Variants in SLC39A11 observed in about 807,000 individuals in gnomAD.
The protein encoded by SLC39A11 is zinc transporter ZIP11.
SLC39A11 carries 33 observed loss-of-function variants against 36.1 expected under a neutral mutation model. The ratio of observed to expected loss-of-function variants is 0.91; its 90% CI spans 0.69 to 1.22. The LOEUF (loss-of-function observed/expected upper bound fraction) is 1.22. SLC39A11 is among the 50% of genes most tolerant of loss of function. The pLI is 0.00. For synonymous variants in SLC39A11, 166 were observed against 170.3 expected (o/e 0.97, Z 0.20); for missense variants, 432 against 430.3 (o/e 1.00, Z -0.03).
intron 4 of SLC39A11, among the ~76,000 whole-genome samples, chr17:72,984,038 G>T (rs1460834293): frequency 6.6e-6 from 1 of 152,172 alleles, no homozygotes; most frequent in Non-Finnish European, 1.5e-5. Flanking sequence ...AGGCAGAGAG[G>T]ACCTGGGTAG....
chr17:72,926,970 T>G (rs980988670), intron 5 of SLC39A11, among the ~76,000 whole-genome samples: 3 of 152,136 alleles, frequency 2.0e-5, no homozygotes, highest in Non-Finnish European at 2.9e-5. Context: ...CTACCCTGAT[T>G]TGAACAGCAC....
intron 5 of SLC39A11, among the ~76,000 whole-genome samples, chr17:72,860,647 C>T (rs989718138): frequency 1.3e-5 from 2 of 152,134 alleles, no homozygotes; most frequent in Non-Finnish European, 2.9e-5. Flanking sequence ...GCTTGGTGCA[C>T]GTTCCTCTTT....
At chr17:72,797,648 G>A (rs534631588) in intron 6 of SLC39A11, among the ~76,000 whole-genome samples, 61 of 152,222 alleles carry the variant, frequency 4.0e-4, no homozygotes, top group Non-Finnish European at 7.1e-4. Flanking sequence ...GCACTACCTC[G>A]TCTAATACCC....
intron 6 of SLC39A11, among the ~76,000 whole-genome samples, chr17:72,804,145 G>A (rs1344390560): frequency 3.3e-5 from 5 of 152,088 alleles, no homozygotes; most frequent in African/African-American, 9.7e-5. Context: ...ACAGGCGCCC[G>A]CCACCACGTC....
chr17:72,867,293 A>T (rs779133517), intron 5 of SLC39A11, among the ~76,000 whole-genome samples: 5 of 152,154 alleles, frequency 3.3e-5, no homozygotes, highest in African/African-American at 4.8e-5. Flanking sequence ...TGGGGTCAGG[A>T]GTTCGAGGCC....
At position 72,646,464 on chromosome 17, in the gene SLC39A11, T is replaced by G. The variant is rs1167505522; in HGVS notation, c.*1120A>C. Reference sequence around the variant, plus strand: ...GTTCGACTCATTCTTTATAGGGACATTTCAGAATGATGAGTTGGCTAAAAT... The same window carrying G: ...GTTCGACTCATTCTTTATAGGGACAGTTCAGAATGATGAGTTGGCTAAAAT... On this transcript the variant is annotated 3_prime_UTR_variant, in exon 10 of 10. Transcript: ENST00000255559. 1 of 152,228 alleles carries G rather than the reference T, an allele frequency of 6.6e-6. No individual in the cohort carries two copies. The highest frequency in any genetic ancestry group is 1.5e-5 in the Non-Finnish European group (1 of 68,044). The allele number at this position is 152,228 out of a possible 1,614,324, so 9.4% of individuals were successfully genotyped here. A position where few individuals can be genotyped will look rare whatever the true frequency, so the allele number is the denominator to read the frequency against.
At chr17:72,750,557 G>C (rs2075117317) in intron 6 of SLC39A11, among the ~76,000 whole-genome samples, 1 of 151,614 alleles carries the variant, frequency 6.6e-6, no homozygotes, top group African/African-American at 2.4e-5. Flanking sequence ...ATTAGACTCT[G>C]GCAGTTCCTT....
At chr17:73,068,542 C>T (rs2060067462) in intron 3 of SLC39A11, among the ~76,000 whole-genome samples, 1 of 152,164 alleles carries the variant, frequency 6.6e-6, no homozygotes, top group Non-Finnish European at 1.5e-5. Flanking sequence ...CCCCTGGCCT[C>T]CTCATTTCCG....
rs1414379679 is a variant in SLC39A11, at chr17:72,872,853, G to A, written c.431-23049C>T. On this transcript the variant is annotated intron_variant, in intron 5 of 9. Coordinates refer to ENST00000255559, the MANE Select transcript of SLC39A11 (RefSeq NM_139177.4). ...AGGTGGATCACAAGGTCAGGAGATC[G>A]AGACCACCCTGGCTAACATGGCGAA... 3.3e-5 allele frequency among the ~76,000 whole-genome samples: 5 copies of A among 152,078 alleles called. No homozygotes were observed. In the East Asian group the frequency reaches 9.7e-4, roughly 30 times the overall value.
intron 6 of SLC39A11, among the ~76,000 whole-genome samples, chr17:72,801,156 G>A (rs1354571247): frequency 1.3e-5 from 2 of 152,216 alleles, no homozygotes; most frequent in Non-Finnish European, 2.9e-5. Flanking sequence ...GCTTGAGAGG[G>A]AATGGGGTTG....
At chr17:72,652,640 A>G (rs905480769) in intron 7 of SLC39A11, among the ~76,000 whole-genome samples, 1 of 152,172 alleles carries the variant, frequency 6.6e-6, no homozygotes, top group Admixed American at 6.5e-5. Context: ...TCCTCTTTCC[A>G]AGAGAGACTA....
intron 7 of SLC39A11, among the ~76,000 whole-genome samples, chr17:72,658,450 C>T (rs1005986732): frequency 6.6e-5 from 10 of 152,294 alleles, no homozygotes; most frequent in Admixed American, 1.3e-4. Context: ...AAGGCATCCC[C>T]GGTGGGCAGT....
At chr17:72,743,258 G>A (rs530541937) in intron 6 of SLC39A11, among the ~76,000 whole-genome samples, 3 of 152,160 alleles carry the variant, frequency 2.0e-5, no homozygotes, top group South Asian at 2.1e-4. Context: ...AGTGTCCTCT[G>A]CTGCCCAGTT....
chr17:72,770,356 G>A (rs2075890383), intron 6 of SLC39A11, among the ~76,000 whole-genome samples: 1 of 152,230 alleles, frequency 6.6e-6, no homozygotes, highest in Non-Finnish European at 1.5e-5. Context: ...TAGAGTTTCA[G>A]TTTGGGAAGA....
At chr17:72,687,005 A>C (rs2071783423) in intron 7 of SLC39A11, among the ~76,000 whole-genome samples, 1 of 152,136 alleles carries the variant, frequency 6.6e-6, no homozygotes, top group Admixed American at 6.5e-5. Flanking sequence ...TCTTCAAATA[A>C]AGTCCTTTTT....
chr17:72,907,578 G>A (rs2082724330), intron 5 of SLC39A11, among the ~76,000 whole-genome samples: 1 of 152,178 alleles, frequency 6.6e-6, no homozygotes, highest in Admixed American at 6.5e-5. Context: ...CAGAACTTAA[G>A]TGGGAACCTG....
chr17:72,803,144 C>A (rs1451333024), intron 6 of SLC39A11, among the ~76,000 whole-genome samples: 1 of 152,260 alleles, frequency 6.6e-6, no homozygotes. Context: ...CTGCTTTAAA[C>A]CCCATGGATG....
chr17:72,691,388 T>C (rs1194481621), intron 7 of SLC39A11, among the ~76,000 whole-genome samples: 1 of 151,836 alleles, frequency 6.6e-6, no homozygotes, highest in Non-Finnish European at 1.5e-5. Context: ...ATCTATTTCA[T>C]GTATATAAAA....
chr17:72,932,421 C>A (rs985006833), intron 5 of SLC39A11, among the ~76,000 whole-genome samples: 13 of 151,996 alleles, frequency 8.6e-5, no homozygotes. Flanking sequence ...TTAGGTATTT[C>A]TCCTAATGTT....
Sources: allele counts gnomAD v4.1 joint callset (sites outside exome capture counted in the v4.1 genomes callset), GRCh38; gene constraint gnomAD v4.1.1; transcripts MANE v1.5; gene names NCBI Gene and HGNC (gene_info 2026-07-23, HGNC 2026-07-21).